ASCC3: variants seen among roughly 807,000 people sequenced by gnomAD.
The protein encoded by ASCC3 is ASC-1 complex subunit P200.
ASCC3 carries 158 observed loss-of-function variants against 256.3 expected under a neutral mutation model. That is an observed-to-expected ratio of 0.62 (90% CI 0.54 to 0.70). The LOEUF (loss-of-function observed/expected upper bound fraction) is 0.70, where lower values mean the gene tolerates loss of function less well. ASCC3 is among the 30% of genes least tolerant of loss of function. The pLI, the probability that ASCC3 is intolerant of heterozygous loss-of-function variation, is 0.00. For synonymous variants in ASCC3, 948 were observed against 883.4 expected, an observed-to-expected ratio of 1.07 and a Z score of -1.30; for missense variants, 2,259 against 2,626.0, an observed-to-expected ratio of 0.86 and a Z score of 3.05.
intron 37 of ASCC3, among the ~76,000 whole-genome samples, chr6:100,530,021 G>A (rs1250157164): frequency 6.6e-6 from 1 of 151,828 alleles, no homozygotes; most frequent in Non-Finnish European, 1.5e-5. Context: ...AGGAGGTACA[G>A]GAATGGTGTG....
intron 14 of ASCC3, among the ~76,000 whole-genome samples, chr6:100,671,501 C>T (rs1776741450): frequency 6.6e-6 from 1 of 151,984 alleles, no homozygotes; most frequent in Admixed American, 6.6e-5. Flanking sequence ...AAAAGAATAC[C>T]AGCTGTGAAA....
intron 10 of ASCC3, among the ~76,000 whole-genome samples, chr6:100,760,617 A>G (rs1781378391): frequency 6.6e-6 from 1 of 152,214 alleles, no homozygotes; most frequent in Non-Finnish European, 1.5e-5. Context: ...GAAATGTCTC[A>G]GCAAGGAAAT....
intron 36 of ASCC3, among the ~76,000 whole-genome samples, chr6:100,553,487 C>A (rs1253648922): frequency 6.6e-6 from 1 of 151,948 alleles, no homozygotes; most frequent in East Asian, 1.9e-4. Context: ...CAGTGGAGTC[C>A]ATTATATTTT....
intron 10 of ASCC3, among the ~76,000 whole-genome samples, chr6:100,736,764 T>C (rs920125823): frequency 1.3e-5 from 2 of 152,180 alleles, no homozygotes; most frequent in African/African-American, 4.8e-5. Flanking sequence ...GGGTGGGATC[T>C]TAATGGCTCC....
chr6:100,519,732 C>A (rs540498764), intron 37 of ASCC3, among the ~76,000 whole-genome samples: 1 of 152,154 alleles, frequency 6.6e-6, no homozygotes, highest in South Asian at 2.1e-4. Context: ...CAAAAGCTCA[C>A]ATACTAGAAG....
At chr6:100,814,517 G>T (rs1463071780) in intron 4 of ASCC3, among the ~76,000 whole-genome samples, 1 of 152,086 alleles carries the variant, frequency 6.6e-6, no homozygotes, top group Non-Finnish European at 1.5e-5. Flanking sequence ...AATAGAAATG[G>T]TACCAGCTCT....
At chr6:100,583,529 C>A (rs527511087) in intron 36 of ASCC3, among the ~76,000 whole-genome samples, 4 of 151,928 alleles carry the variant, frequency 2.6e-5, no homozygotes, top group Admixed American at 6.6e-5. Flanking sequence ...TGATCCTTTC[C>A]AAAAACCAGC....
intron 36 of ASCC3, among the ~76,000 whole-genome samples, chr6:100,544,250 C>T (rs367824073): frequency 1.4e-4 from 21 of 151,758 alleles, no homozygotes; most frequent in African/African-American, 4.8e-4. Context: ...TTTGTGTCCA[C>T]CTTAAAAAAC....
chr6:100,725,523 CA>C lies in ASCC3; in HGVS notation c.1902+15del. 1 of 1,611,046 alleles carries C rather than the reference CA, an allele frequency of 6.2e-7. No homozygotes were observed. Among genetic ancestry groups the C allele is most frequent in the Non-Finnish European group, 8.5e-7 (1 of 1,177,946 alleles). ...TTTATCCCTTCAAAATAAGCTTATA[CA>C]TAACTTCCTCTTACCTGCCGTAAAG... On this transcript the variant is annotated intron_variant, in intron 11 of 41. Transcript: ENST00000369162.
chr6:100,653,921 G>T (rs1228360557), intron 17 of ASCC3, among the ~76,000 whole-genome samples: 1 of 151,900 alleles, frequency 6.6e-6, no homozygotes, highest in Non-Finnish European at 1.5e-5. Context: ...GACCTTTAAT[G>T]GAGTAGGGGG....
chr6:100,873,375 T>C (rs887005900), intron 1 of ASCC3, among the ~76,000 whole-genome samples: 1 of 152,024 alleles, frequency 6.6e-6, no homozygotes, highest in Non-Finnish European at 1.5e-5. Flanking sequence ...AGGTCTGGGA[T>C]TATGTTAAAT....
intron 13 of ASCC3, among the ~76,000 whole-genome samples, chr6:100,697,434 G>T (rs1229308509): frequency 6.6e-6 from 1 of 151,740 alleles, no homozygotes; most frequent in African/African-American, 2.4e-5. Flanking sequence ...AAGAGATAAT[G>T]CTAATACATA....
At chr6:100,661,323 T>TCACACACACACACACACACACACACACA (rs749963143) in intron 16 of ASCC3, among the ~76,000 whole-genome samples, 2 of 141,516 alleles carry the variant, frequency 1.4e-5, no homozygotes, top group East Asian at 2.1e-4. Flanking sequence ...AACACAAAAG[T>TCACACACACACACACACACACACACACA]CACACACACA....
intron 30 of ASCC3, among the ~76,000 whole-genome samples, chr6:100,611,783 A>G (rs1773412048): frequency 6.6e-6 from 1 of 151,850 alleles, no homozygotes; most frequent in African/African-American, 2.4e-5. Context: ...CTAGATGGAG[A>G]GGAGACAAGT....
intron 1 of ASCC3, among the ~76,000 whole-genome samples, chr6:100,877,600 GTA>G (rs1422874438): frequency 6.6e-6 from 1 of 152,058 alleles, no homozygotes; most frequent in African/African-American, 2.4e-5. Flanking sequence ...TTTCTTACTT[GTA>G]TTAAACCTTA....
In ASCC3 at chr6:100,651,547, C is replaced by CA; in HGVS notation, c.3075+12dup. On this transcript the variant is annotated intron_variant, in intron 19 of 41. Coordinates refer to ENST00000369162, the MANE Select transcript of ASCC3 (RefSeq NM_006828.4). Reference sequence around the variant, plus strand: ...TGTTGTATGCATTTGATTCAAATTTCAAGAAATCTTACCTTAATTTGATCA... The same window carrying CA: ...TGTTGTATGCATTTGATTCAAATTTCAAAGAAATCTTACCTTAATTTGATCA... 6.6e-7 allele frequency: 1 copy of CA among 1,518,992 alleles called. No homozygotes were observed. The highest frequency in any genetic ancestry group is 9.0e-7 in the Non-Finnish European group (1 of 1,109,560). 94.1% of individuals were successfully genotyped at this position (1,518,992 alleles called of 1,614,324 possible).
At position 100,784,162 on chromosome 6, in the gene ASCC3, A is replaced by T. The variant is rs144663608; in HGVS notation, c.1395+14551T>A. Among the ~76,000 whole-genome samples the T allele has an allele frequency of 9.8e-5, 15 of 152,308 alleles. 1 individual carries two copies. The highest frequency in any genetic ancestry group is 3.6e-4 in the African/African-American group (15 of 41,586). ...GATTCCTAAAACTGATTTTTAACCA[A>T]GTAACATAATTTATAAAACTAAATA... On this transcript the variant is annotated intron_variant, in intron 8 of 41. Coordinates refer to ENST00000369162, the MANE Select transcript of ASCC3 (RefSeq NM_006828.4).
chr6:100,767,075 T>A, intron 9 of ASCC3, 70 bp downstream of exon 9: 1 of 1,460,328 alleles, frequency 6.8e-7, no homozygotes, highest in Admixed American at 1.8e-5. Context: ...AAATTTCATG[T>A]AATATTAAAA....
intron 11 of ASCC3, among the ~76,000 whole-genome samples, chr6:100,723,888 A>ATATATATATATG (rs1554220118): frequency 8.9e-6 from 1 of 112,914 alleles, no homozygotes; most frequent in African/African-American, 3.3e-5. Context: ...ATATATATAT[A>ATATATATATATG]TATATATATT....
Sources: allele counts gnomAD v4.1 joint callset (sites outside exome capture counted in the v4.1 genomes callset), GRCh38; gene constraint gnomAD v4.1.1; transcripts MANE v1.5; gene names NCBI Gene and HGNC (gene_info 2026-07-23, HGNC 2026-07-21).